SH2D4B: variants seen among roughly 807,000 people sequenced by gnomAD.
SH2D4B encodes the protein SH2 domain-containing protein 4B.
Under a neutral mutation model 61.5 loss-of-function variants are expected in SH2D4B, and 45 were observed. That is an observed-to-expected ratio of 0.73 (90% CI 0.58 to 0.94). The LOEUF (loss-of-function observed/expected upper bound fraction) is 0.94, where lower values mean the gene tolerates loss of function less well. Among genes scored for constraint, SH2D4B ranks in the 40% least tolerant of loss-of-function variants. SH2D4B has a pLI of 0.00. For missense variants in SH2D4B, 572 were observed against 574.2 expected, an observed-to-expected ratio of 1.00 and a Z score of 0.04; for synonymous variants, 224 against 220.4, an observed-to-expected ratio of 1.02 and a Z score of -0.14.
intron 6 of SH2D4B, among the ~76,000 whole-genome samples, chr10:80,632,796 C>T (rs922311318): frequency 1.3e-5 from 2 of 152,076 alleles, no homozygotes; most frequent in Non-Finnish European, 2.9e-5. Context: ...TGGGGGGAAG[C>T]AGCGGGGTGC....
chr10:80,571,776 C>CTT (rs11394733), intron 3 of SH2D4B, among the ~76,000 whole-genome samples, 198 bp downstream of exon 3: 26 of 135,622 alleles, frequency 1.9e-4, no homozygotes, highest in South Asian at 2.4e-4. Flanking sequence ...TTTTTTTTTT[C>CTT]TTTTTTTTTT....
intron 6 of SH2D4B, among the ~76,000 whole-genome samples, chr10:80,627,947 G>A (rs1842782151): frequency 2.6e-5 from 4 of 152,326 alleles, no homozygotes; most frequent in Middle Eastern, 6.8e-3. Context: ...ACCCTGGAGC[G>A]TTGGCTGGTT....
chr10:80,603,906 C>A, intron 5 of SH2D4B, 111 bp downstream of exon 5: 1 of 930,960 alleles, frequency 1.1e-6, no homozygotes, highest in Non-Finnish European at 1.6e-6. Flanking sequence ...TAGTTTGGGG[C>A]TAGCATTTCC....
intron 6 of SH2D4B, among the ~76,000 whole-genome samples, chr10:80,625,226 ACT>A (rs1669316085): frequency 6.6e-6 from 1 of 151,456 alleles, no homozygotes; most frequent in Non-Finnish European, 1.5e-5. Flanking sequence ...AGATTTTACC[ACT>A]CTCAATGTCT....
chr10:80,549,723 A>C (rs904985887), intron 1 of SH2D4B, among the ~76,000 whole-genome samples: 3 of 152,124 alleles, frequency 2.0e-5, no homozygotes, highest in Admixed American at 6.5e-5. Flanking sequence ...GTTCTTAGTG[A>C]GGCAGCTCCA....
At chr10:80,638,673 C>G (rs935866018) in intron 7 of SH2D4B, among the ~76,000 whole-genome samples, 1 of 152,072 alleles carries the variant, frequency 6.6e-6, no homozygotes, top group Non-Finnish European at 1.5e-5. Context: ...TGATTATTCT[C>G]TCTTTTCTTC....
intron 1 of SH2D4B, among the ~76,000 whole-genome samples, chr10:80,540,296 A>G (rs757599067): frequency 1.3e-5 from 2 of 152,198 alleles, no homozygotes; most frequent in African/African-American, 2.4e-5. Flanking sequence ...CTGTCTGGGC[A>G]TGCCACTGGG....
At chr10:80,574,785 C>T (rs1191899350) in intron 3 of SH2D4B, among the ~76,000 whole-genome samples, 2 of 152,150 alleles carry the variant, frequency 1.3e-5, no homozygotes, top group Non-Finnish European at 2.9e-5. Flanking sequence ...ACTGAAGCCT[C>T]CACCTCCCAG....
At chr10:80,600,352 C>T (rs1414696110) in intron 4 of SH2D4B, among the ~76,000 whole-genome samples, 3 of 152,158 alleles carry the variant, frequency 2.0e-5, no homozygotes, top group Non-Finnish European at 2.9e-5. Context: ...AGGATGTAAC[C>T]GGATCATCTG....
chr10:80,567,028 T>C (rs933365722), intron 1 of SH2D4B, among the ~76,000 whole-genome samples: 1 of 152,214 alleles, frequency 6.6e-6, no homozygotes, highest in African/African-American at 2.4e-5. Flanking sequence ...GATGAAGGTT[T>C]ATTACTTAAC....
At chr10:80,630,846 CG>C (rs967801143) in intron 6 of SH2D4B, among the ~76,000 whole-genome samples, 26 of 152,254 alleles carry the variant, frequency 1.7e-4, no homozygotes, top group African/African-American at 5.5e-4. Context: ...CCAAACAGTG[CG>C]ATGAGCCCAG....
In SH2D4B at chr10:80,600,019, G is replaced by A. The variant is rs181170273; in HGVS notation, c.644-3560G>A. Among the ~76,000 whole-genome samples, 8 of 152,168 alleles carry A rather than the reference G, an allele frequency of 5.3e-5. No individual in the cohort carries two copies. In the East Asian group the frequency reaches 9.7e-4, roughly 18 times the overall value. On this transcript the variant is annotated intron_variant, in intron 4 of 7. Transcript: ENST00000646907. ...AGCTTCTTTATCTCACAGTAAACAC[G>A]ACAATAACAGATAATATTTAATAAA...
intron 1 of SH2D4B, among the ~76,000 whole-genome samples, chr10:80,543,466 C>G (rs1303634880): frequency 6.6e-6 from 1 of 152,190 alleles, no homozygotes; most frequent in Non-Finnish European, 1.5e-5. Context: ...GGGCTCGGGA[C>G]CTGCAGCCCT....
At chr10:80,586,057 T>A (rs1031051024) in intron 3 of SH2D4B, among the ~76,000 whole-genome samples, 3 of 152,140 alleles carry the variant, frequency 2.0e-5, no homozygotes. Context: ...CCCCCAGCAG[T>A]GCCGGCCCAG....
intron 1 of SH2D4B, among the ~76,000 whole-genome samples, chr10:80,559,890 G>GC (rs372837626): frequency 3.4e-4 from 52 of 150,800 alleles, no homozygotes; most frequent in African/African-American, 1.2e-3. Context: ...TCCCACCTTT[G>GC]CCCCCCCAGA....
chr10:80,541,055 G>A, intron 1 of SH2D4B: 1 of 767,294 alleles, frequency 1.3e-6, no homozygotes, highest in South Asian at 1.5e-5. Flanking sequence ...GTACACACTT[G>A]AGAGAGAAGT....
rs886209503 is a variant in SH2D4B at position 80,539,480 on chromosome 10, C to A, written c.184+965C>A. ...CAGGTGCCACAGGCCACACCCACAT[C>A]ATCTGGACATGCTTGCTCTTGTCTC... On this transcript the variant is annotated intron_variant, in intron 1 of 7. Transcript: ENST00000646907. The surrounding 1 kb of genome is among the most constrained non-coding windows in gnomAD (Gnocchi z 4.9). 2.0e-5 allele frequency among the ~76,000 whole-genome samples: 3 copies of A among 152,246 alleles called. No individual in the cohort carries two copies. Among genetic ancestry groups the A allele is most frequent in the Non-Finnish European group, 2.9e-5 (2 of 68,052 alleles).
At chr10:80,542,007 C>T (rs1285098394) in intron 1 of SH2D4B, among the ~76,000 whole-genome samples, 1 of 152,152 alleles carries the variant, frequency 6.6e-6, no homozygotes, top group African/African-American at 2.4e-5. Context: ...ATGGTGTGGA[C>T]CCCTCAGCTT....
At position 80,541,387 on chromosome 10, in the gene SH2D4B, C is replaced by T. The variant is rs1281552067; in HGVS notation, c.184+2872C>T. Among the ~76,000 whole-genome samples the T allele has an allele frequency of 2.6e-5, 4 of 152,180 alleles. No individual in the cohort carries two copies. In the South Asian group the frequency reaches 8.3e-4, roughly 31 times the overall value. ...GCTCCTGTGACCACCCAGTGCTATTCTTGTCTCATTGACAGGCATCCTCTT... is the reference window on the plus strand; with the variant it reads ...GCTCCTGTGACCACCCAGTGCTATTTTTGTCTCATTGACAGGCATCCTCTT... On this transcript the variant is annotated intron_variant, in intron 1 of 7. Coordinates refer to ENST00000646907, the MANE Select transcript of SH2D4B (RefSeq NM_001388272.1).
Sources: allele counts gnomAD v4.1 joint callset (sites outside exome capture counted in the v4.1 genomes callset), GRCh38; gene constraint gnomAD v4.1.1; non-coding constraint Gnocchi (gnomAD v3.1); transcripts MANE v1.5; gene names NCBI Gene and HGNC (gene_info 2026-07-23, HGNC 2026-07-21).